Variants in NHS observed in about 807,000 individuals in gnomAD.
NHS encodes NHS actin remodeling regulator.
NHS carries 5 observed loss-of-function variants against 72.5 expected under a neutral mutation model. The observed-to-expected ratio is 0.07, with a 90% CI of 0.04 to 0.14. The LOEUF is 0.14. Among genes scored for constraint, NHS ranks in the 10% least tolerant of loss-of-function variants. The pLI is 1.00. For synonymous variants in NHS, 464 were observed against 547.7 expected (o/e 0.85, Z 2.13); for missense variants, 1,072 against 1,355.7 (o/e 0.79, Z 3.29).
chrX:17,696,888 G>C (rs1212516724), intron 3 of NHS, among the ~76,000 whole-genome samples: 1 of 111,621 alleles, frequency 9.0e-6, no homozygotes, highest in African/African-American at 3.3e-5. Context: ...GTAAAAGAGA[G>C]AAAACACCAA....
chrX:17,622,281 G>A (rs1480405934), intron 1 of NHS, among the ~76,000 whole-genome samples: 2 of 112,440 alleles, frequency 1.8e-5, no homozygotes, highest in Admixed American at 9.4e-5. Context: ...AGGAAAGAAT[G>A]TACCTTGGCT....
intron 1 of NHS, among the ~76,000 whole-genome samples, chrX:17,460,714 T>A: frequency 8.9e-6 from 1 of 112,481 alleles, no homozygotes; most frequent in South Asian, 3.7e-4. Flanking sequence ...TGTGACTGGC[T>A]TCTTTCACTG....
At chrX:17,679,629 GTAGA>G (rs2066111293) in intron 1 of NHS, among the ~76,000 whole-genome samples, 2 of 110,903 alleles carry the variant, frequency 1.8e-5, no homozygotes, top group Non-Finnish European at 3.8e-5. Flanking sequence ...GGCTTGGAGG[GTAGA>G]TAGATGGCAA....
chrX:17,474,097 G>C lies in NHS; in HGVS notation c.565+97775G>C, dbSNP rs189075516. On this transcript the variant is annotated intron_variant, in intron 1 of 8. Coordinates refer to ENST00000676302, the MANE Select transcript of NHS (RefSeq NM_001291867.2). ...CCTCCCACCTTCCACCCTCAAGTAG[G>C]CCTCAGTGCCTGTTGTTCCCTTCTT... Among the ~76,000 whole-genome samples the C allele has an allele frequency of 1.4e-4, 16 of 110,833 alleles. No individual in the cohort carries two copies. In the East Asian group the frequency reaches 4.0e-3, roughly 28 times the overall value.
intron 1 of NHS, among the ~76,000 whole-genome samples, chrX:17,412,310 C>T (rs998656613): frequency 6.3e-5 from 7 of 110,782 alleles, no homozygotes; most frequent in East Asian, 2.8e-4. Flanking sequence ...TGAAAACAAG[C>T]GTTGCTGGGT....
rs1470616760 is a variant in NHS at position 17,375,226 on chromosome X, C to A, written c.-532C>A. Among the ~76,000 whole-genome samples the A allele has an allele frequency of 8.9e-6, 1 of 112,141 alleles. No homozygotes were observed. Among genetic ancestry groups the A allele is most frequent in the Non-Finnish European group, 1.9e-5 (1 of 53,020 alleles). ...GAGCGCCTTTCCGAAACCTCCTCCC[C>A]GCCCAGCCAGGGAGAGAGATCCCGG... is the stretch of plus-strand genomic sequence containing the variant. On this transcript the variant is annotated 5_prime_UTR_variant, in exon 1 of 9. Coordinates refer to ENST00000676302, the MANE Select transcript of NHS (RefSeq NM_001291867.2).
intron 1 of NHS, among the ~76,000 whole-genome samples, chrX:17,605,783 G>A (rs1185044111): frequency 9.0e-6 from 1 of 111,477 alleles, no homozygotes; most frequent in East Asian, 2.8e-4. Context: ...CTCTGGAGGA[G>A]TTTGTCACTG....
chrX:17,712,086 C>T (rs1333254229), intron 3 of NHS, among the ~76,000 whole-genome samples: 1 of 105,886 alleles, frequency 9.4e-6, no homozygotes, highest in Non-Finnish European at 1.9e-5. Context: ...ACACTCCCAC[C>T]AGCATTTATG....
chrX:17,648,905 T>C (rs940412522), intron 1 of NHS, among the ~76,000 whole-genome samples: 1 of 111,966 alleles, frequency 8.9e-6, no homozygotes, highest in African/African-American at 3.2e-5. Context: ...GGAATAATAA[T>C]ACCTAAGGCA....
At chrX:17,570,300 G>T (rs1411928013) in intron 1 of NHS, among the ~76,000 whole-genome samples, 1 of 112,340 alleles carries the variant, frequency 8.9e-6, no homozygotes, top group African/African-American at 3.2e-5. Flanking sequence ...TCCTATCCAT[G>T]AGCATGAAAT....
chrX:17,600,431 A>T (rs1362756477), intron 1 of NHS, among the ~76,000 whole-genome samples: 2 of 112,014 alleles, frequency 1.8e-5, no homozygotes, highest in Non-Finnish European at 3.8e-5. Flanking sequence ...ATTCCAAAAA[A>T]GCGTCAGCCA....
chrX:17,555,912 A>C (rs899727967), intron 1 of NHS, among the ~76,000 whole-genome samples: 1 of 111,946 alleles, frequency 8.9e-6, no homozygotes, highest in African/African-American at 3.2e-5. Flanking sequence ...AGAAAATTAC[A>C]TTTGAAATAA....
intron 1 of NHS, among the ~76,000 whole-genome samples, chrX:17,494,653 C>G (rs1471298460): frequency 2.7e-5 from 3 of 111,925 alleles, no homozygotes; most frequent in Non-Finnish European, 3.8e-5. Flanking sequence ...AGACCCTCTT[C>G]CATAAGATCC....
chrX:17,537,634 C>G (rs753104241), intron 1 of NHS, among the ~76,000 whole-genome samples: 2 of 112,154 alleles, frequency 1.8e-5, no homozygotes, highest in South Asian at 3.7e-4. Context: ...GTGGCTAAGT[C>G]AAGTAGGAAA....
At chrX:17,607,958 A>G (rs2065689868) in intron 1 of NHS, among the ~76,000 whole-genome samples, 2 of 93,019 alleles carry the variant, frequency 2.2e-5, no homozygotes, top group Non-Finnish European at 4.1e-5. Context: ...TGTCTCTGTC[A>G]CCCACGCTGG....
chrX:17,623,016 C>T (rs981076124), intron 1 of NHS, among the ~76,000 whole-genome samples: 14 of 111,371 alleles, frequency 1.3e-4, no homozygotes, highest in Admixed American at 1.2e-3. Flanking sequence ...CAGCTTCATC[C>T]TCCGGAGCTC....
chrX:17,555,863 C>A (rs187462244), intron 1 of NHS, among the ~76,000 whole-genome samples: 1 of 102,405 alleles, frequency 9.8e-6, no homozygotes, highest in Non-Finnish European at 2.0e-5. Flanking sequence ...TGGAGTTACA[C>A]CCTTCAAAGG....
rs777419454 is a variant in NHS at position 17,726,698 on chromosome X, C to T, written c.2592C>T (p.Asn864=). ...CATCATTGAGGAAGTCTGATGGAAA[C>T]GCAGATATTTCTGAGAAGAAAGAAC... The part of the protein sequence containing the change: ...RSSSLRKSDG[N]ADISEKKEPK... Residue 864 remains asparagine (N), a synonymous_variant, in exon 7 of 9, where the codon AAC becomes AAT. Transcript: ENST00000676302. The T allele has an allele frequency of 1.9e-5, 23 of 1,210,228 alleles. No individual in the cohort carries two copies. Among genetic ancestry groups the T allele is most frequent in the East Asian group, 3.0e-5 (1 of 33,757 alleles).
chrX:17,721,443 C>T lies in NHS; in HGVS notation c.918C>T (p.Ser306=). The change falls in exon 5 of 9, where the codon TCC becomes TCT. Residue 306 remains serine, a splice_region_variant and synonymous_variant. Coordinates refer to ENST00000676302, the MANE Select transcript of NHS (RefSeq NM_001291867.2). The part of the protein sequence containing the change: ...CCHMTPWSRK[S]HPPEDEDTDV... The stretch of plus-strand genomic sequence containing the variant: ...ACCTGATTGTACTTTGTTTGCAGTC[C>T]CATCCCCCAGAGGATGAAGATACAG... The T allele has an allele frequency of 1.7e-6, 2 of 1,209,075 alleles. No individual in the cohort carries two copies. Among genetic ancestry groups the T allele is most frequent in the Non-Finnish European group, 2.2e-6 (2 of 893,461 alleles).
Sources: gnomAD v4.1 joint callset for allele counts (sites outside exome capture counted in the v4.1 genomes callset) on GRCh38, gnomAD v4.1.1 for gene constraint, MANE v1.5 for transcripts, NCBI Gene and HGNC (gene_info 2026-07-23, HGNC 2026-07-21) for gene names.